The following TG variants were observed in gnomAD, a reference collection of about 807,000 sequenced individuals.
The protein encoded by TG is thyroid hormones.
Under a neutral mutation model 324.7 loss-of-function variants are expected in TG, and 270 were observed. That is an observed-to-expected ratio of 0.83 (90% confidence interval 0.75 to 0.92). TG has a LOEUF of 0.92. Ranked by LOEUF, TG falls within the 40% of genes least tolerant of loss-of-function variation. The pLI, the probability that TG is intolerant of heterozygous loss-of-function variation, is 0.00. For missense variants in TG, 3,591 were observed against 3,456.4 expected (o/e 1.04, Z -0.98); for synonymous variants, 1,401 against 1,327.0 (o/e 1.06, Z -1.21).
intron 10 of TG, among the ~76,000 whole-genome samples, chr8:132,890,654 T>C (rs548157472): frequency 6.6e-6 from 1 of 152,338 alleles, no homozygotes; most frequent in East Asian, 1.9e-4. Flanking sequence ...GAGTCATCTG[T>C]AAAATCTGAG....
rs765477121 is a variant in TG at position 133,029,949 on chromosome 8, G to A, written c.7165G>A (p.Ala2389Thr). Residue 2389 changes from alanine to threonine, a missense_variant, in exon 41 of 48, where the codon GCT becomes ACT. Ala to Thr is a moderately conservative substitution (Grantham distance 58). Transcript: ENST00000220616. ...GTCCCTGGCAGCAGACCGTGGCGGG[G>A]CTGATGTGGCCAGCATCCACCTTCT... ...RVSLAADRGG[A>T]DVASIHLLTA... The A allele has an allele frequency of 6.2e-7, 1 of 1,614,138 alleles. No individual in the cohort carries two copies. Among genetic ancestry groups the A allele is most frequent in the Non-Finnish European group, 8.5e-7 (1 of 1,180,056 alleles).
At chr8:133,026,846 C>G (rs1836132657) in intron 40 of TG, among the ~76,000 whole-genome samples, 1 of 152,190 alleles carries the variant, frequency 6.6e-6, no homozygotes, top group Non-Finnish European at 1.5e-5. Flanking sequence ...GGAGCATCAG[C>G]AACATAACGT....
chr8:133,056,707 G>T (rs947588060), intron 41 of TG, among the ~76,000 whole-genome samples: 8 of 152,244 alleles, frequency 5.3e-5, no homozygotes, highest in African/African-American at 1.9e-4. Context: ...CATATGTAAA[G>T]CACTGGGCAC....
At chr8:132,983,622 A>G in intron 35 of TG, 1 of 617,506 alleles carries the variant, frequency 1.6e-6, no homozygotes, top group Non-Finnish European at 2.9e-6. Context: ...CGGGAATGAA[A>G]TGATTTGTGG....
At chr8:133,013,813 G>T in intron 37 of TG, 49 bp downstream of exon 37, 3 of 1,583,356 alleles carry the variant, frequency 1.9e-6, no homozygotes, top group African/African-American at 2.7e-5. Context: ...ACTGGGTCTG[G>T]GGAAGGGACT....
chr8:132,967,713 C>T, intron 30 of TG, 81 bp from the exon 31 acceptor site: 1 of 1,507,422 alleles, frequency 6.6e-7, no homozygotes, highest in Admixed American at 1.8e-5. Flanking sequence ...CAGGCATTTC[C>T]CCACCCAGAG....
At chr8:133,134,180 G>A (rs1182636387) in intron 47 of TG, among the ~76,000 whole-genome samples, 1 of 152,136 alleles carries the variant, frequency 6.6e-6, no homozygotes, top group African/African-American at 2.4e-5. Flanking sequence ...GGAATAACGG[G>A]TGTGAGTGAC....
At chr8:132,964,765 A>C (rs769989529) in intron 29 of TG, 10 of 619,802 alleles carry the variant, frequency 1.6e-5, no homozygotes, top group Non-Finnish European at 2.9e-5. Context: ...GGACATTCAC[A>C]GGCTAGTGAG....
chr8:133,046,796 T>C (rs549805517), intron 41 of TG, among the ~76,000 whole-genome samples: 2 of 152,326 alleles, frequency 1.3e-5, no homozygotes, highest in African/African-American at 4.8e-5. Context: ...GAAAAGTTGA[T>C]CGCAGATTTT....
In TG at chr8:133,096,292, G is replaced by A. The variant is rs968425957; in HGVS notation, c.7491G>A (p.Lys2497=). ...FLREPPARAL[K]RSLWVEVDLL... ...GTGAGCCTCCAGCCAGAGCACTGAA[G>A]AGGTCTTTATGGGTAGAGGTCGATC... Residue 2497 remains lysine (K), a synonymous_variant, in exon 43 of 48, where the codon AAG becomes AAA. Transcript: ENST00000220616. 1.2e-6 allele frequency: 2 copies of A among 1,614,226 alleles called. No homozygotes were observed. The highest frequency in any genetic ancestry group is 1.7e-6 in the Non-Finnish European group (2 of 1,180,042).
chr8:132,919,269 T>C (rs1467659891), intron 20 of TG, 107 bp from the exon 21 acceptor site: 24 of 1,183,548 alleles, frequency 2.0e-5, no homozygotes, highest in Non-Finnish European at 2.8e-5. Flanking sequence ...GTTAAATGAA[T>C]GAGCTCTTGA....
intron 35 of TG, among the ~76,000 whole-genome samples, chr8:133,006,825 T>G (rs1834054102): frequency 6.6e-6 from 1 of 152,226 alleles, no homozygotes; most frequent in African/African-American, 2.4e-5. Flanking sequence ...AGATGTTAAT[T>G]TTTTAGTTAT....
intron 41 of TG, among the ~76,000 whole-genome samples, chr8:133,089,820 C>T (rs189639656): frequency 6.6e-6 from 1 of 152,242 alleles, no homozygotes; most frequent in African/African-American, 2.4e-5. Context: ...CATCCCTGCC[C>T]ACTCCCCCTC....
intron 43 of TG, among the ~76,000 whole-genome samples, chr8:133,105,348 C>T (rs1225955810): frequency 6.6e-6 from 1 of 152,092 alleles, no homozygotes; most frequent in Non-Finnish European, 1.5e-5. Flanking sequence ...TAGGGGTGGA[C>T]CGGAGGTGGG....
At chr8:132,886,365 A>T (rs1251143660) in intron 8 of TG, 83 bp from the exon 9 acceptor site, 12 of 1,575,778 alleles carry the variant, frequency 7.6e-6, no homozygotes, top group Middle Eastern at 1.9e-4. Context: ...CTGGCTTCTT[A>T]CTACCTAAAG....
intron 41 of TG, among the ~76,000 whole-genome samples, chr8:133,087,566 A>G (rs928615780): frequency 3.9e-5 from 6 of 152,216 alleles, no homozygotes; most frequent in African/African-American, 1.2e-4. Flanking sequence ...TTCCATTTTG[A>G]CAAGGATCAG....
Position 132,969,463 on chromosome 8 carries a change from C to T in TG, c.5869C>T (p.Leu1957=). The part of the protein sequence containing the change: ...PKALFRKKVI[L]EDKVKNFYTR... ...TTCTTTCTTCCTCTATGAAGTTATA[C>T]TGGAAGATAAAGTGAAGAACTTTTA... The change falls in exon 32 of 48, where the codon CTG becomes TTG. Residue 1957 remains leucine (L), a synonymous_variant. Transcript: ENST00000220616. 6.2e-7 allele frequency: 1 copy of T among 1,607,588 alleles called. No homozygotes were observed. Among genetic ancestry groups the T allele is most frequent in the Non-Finnish European group, 8.5e-7 (1 of 1,174,132 alleles).
chr8:132,995,998 T>C (rs1335367392), intron 35 of TG, among the ~76,000 whole-genome samples: 2 of 152,140 alleles, frequency 1.3e-5, no homozygotes, highest in East Asian at 3.9e-4. Context: ...GGGAAGCACT[T>C]TATGAGGCTG....
intron 19 of TG, 69 bp from the exon 20 acceptor site, chr8:132,912,978 C>A: frequency 6.8e-7 from 1 of 1,471,192 alleles, no homozygotes. Context: ...CATCTCTGCC[C>A]TGCTTAATCC....
Sources: gnomAD v4.1 joint callset for allele counts (sites outside exome capture counted in the v4.1 genomes callset) on GRCh38, gnomAD v4.1.1 for gene constraint, MANE v1.5 for transcripts, NCBI Gene and HGNC (gene_info 2026-07-23, HGNC 2026-07-21) for gene names.